LRP1: variants seen among roughly 807,000 people sequenced by gnomAD.
LRP1 encodes the protein prolow-density lipoprotein receptor-related protein 1.
Under a neutral mutation model 541.5 loss-of-function variants are expected in LRP1, and 51 were observed. That is an observed-to-expected ratio of 0.09 (90% CI 0.08 to 0.12). The LOEUF is 0.12. LRP1 is among the 10% of genes least tolerant of loss of function. The pLI, the probability that LRP1 is intolerant of heterozygous loss-of-function variation, is 1.00. For missense variants in LRP1, 3,878 were observed against 6,376.2 expected (o/e 0.61, Z 13.34); for synonymous variants, 2,219 against 2,470.8 (o/e 0.90, Z 3.02).
At chr12:57,209,562 G>A (rs2036862398) in intron 79 of LRP1, 130 bp from the exon 80 acceptor site, 2 of 740,988 alleles carry the variant, frequency 2.7e-6, no homozygotes, top group African/African-American at 1.7e-5. Flanking sequence ...GAACCGGTGT[G>A]GGGAGAGAGA....
At chr12:57,180,954 A>T in intron 33 of LRP1, 147 bp downstream of exon 33, 2 of 1,284,132 alleles carry the variant, frequency 1.6e-6, no homozygotes, top group Non-Finnish European at 2.1e-6. Flanking sequence ...CTTACCACAA[A>T]GGCGCCTTGT....
chr12:57,151,232 T>TA (rs2035520118), intron 6 of LRP1, among the ~76,000 whole-genome samples: 1 of 152,076 alleles, frequency 6.6e-6, no homozygotes, highest in Non-Finnish European at 1.5e-5. Flanking sequence ...GCTGGAGTTG[T>TA]AGTGAGTGCA....
Position 57,204,818 on chromosome 12 carries a change from T to C in LRP1, c.11194+69T>C. 2 of 1,595,656 alleles carry C rather than the reference T, an allele frequency of 1.3e-6. No individual in the cohort carries two copies. The highest frequency in any genetic ancestry group is 1.7e-6 in the Non-Finnish European group (2 of 1,166,750). ...CACAGTGGGGTGAGTCTGGTCCTCG[T>C]GGGAGCTGCACTGGGGTTAGGGTTA... On this transcript the variant is annotated intron_variant, in intron 72 of 88. Coordinates refer to ENST00000243077, the MANE Select transcript of LRP1 (RefSeq NM_002332.3). This position sits in a 1 kb window ranked among gnomAD's most constrained non-coding sequence, Gnocchi z 5.3.
At position 57,206,250 on chromosome 12, in the gene LRP1, T is replaced by C. The variant is rs1020789350; in HGVS notation, c.11591-223T>C. On this transcript the variant is annotated intron_variant, in intron 75 of 88. Transcript: ENST00000243077. This position sits in a 1 kb window ranked among gnomAD's most constrained non-coding sequence, Gnocchi z 4.7. ...GGAGGGGCAGGGACAGCTTTCTGAC[T>C]GAAAGGAGCGGGTCACAGTGGATCA... 6.6e-6 allele frequency among the ~76,000 whole-genome samples: 1 copy of C among 152,204 alleles called. No individual in the cohort carries two copies. The highest frequency in any genetic ancestry group is 1.5e-5 in the Non-Finnish European group (1 of 68,040).
chr12:57,208,628 CAGACCA>C, intron 77 of LRP1, 77 bp from the exon 78 acceptor site: 1 of 819,044 alleles, frequency 1.2e-6, no homozygotes, highest in Admixed American at 2.2e-5. Context: ...TCCCTGTCCC[CAGACCA>C]AGAAGCTGGT....
chr12:57,183,723 C>T lies in LRP1; in HGVS notation c.5795-52C>T, dbSNP rs1458411046. On this transcript the variant is annotated intron_variant, in intron 35 of 88. Transcript: ENST00000243077. The surrounding 1 kb of genome is among the most constrained non-coding windows in gnomAD (Gnocchi z 6.1). ...TGAGCCTTGTGAGATTTTGACCCCT[C>T]ACCTTACCCCTGCCTTATTGGGCAT... is the stretch of plus-strand genomic sequence containing the variant. 128 of 1,608,144 alleles carry T rather than the reference C, an allele frequency of 8.0e-5. No homozygotes were observed. The highest frequency in any genetic ancestry group is 1.1e-4 in the Non-Finnish European group (127 of 1,178,032).
At position 57,179,976 on chromosome 12, in the gene LRP1, C is replaced by A; in HGVS notation, c.5141+20C>A. On this transcript the variant is annotated intron_variant, in intron 30 of 88. Transcript: ENST00000243077. The surrounding 1 kb of genome is among the most constrained non-coding windows in gnomAD (Gnocchi z 6.8). The stretch of plus-strand genomic sequence containing the variant: ...GCGTGGGTCAGTCTAGGGCCCAGGG[C>A]CGGGGAGCATGGGGTGTGGGGCTGG... 1 of 1,613,854 alleles carries A rather than the reference C, an allele frequency of 6.2e-7. No individual in the cohort carries two copies. Among genetic ancestry groups the A allele is most frequent in the Admixed American group, 1.7e-5 (1 of 60,016 alleles).
chr12:57,199,832 T>C, intron 61 of LRP1, 45 bp from the exon 62 acceptor site: 1 of 1,548,184 alleles, frequency 6.5e-7, no homozygotes, highest in Admixed American at 2.0e-5. Context: ...CAGCCTTTGG[T>C]AGGCCAGAAA....
chr12:57,162,425 G>A lies in LRP1; in HGVS notation c.2311G>A (p.Gly771Ser), dbSNP rs1456331427. 2.5e-6 allele frequency: 4 copies of A among 1,614,096 alleles called. No individual in the cohort carries two copies. The highest frequency in any genetic ancestry group is 3.4e-6 in the Non-Finnish European group (4 of 1,180,014). Residue 771 changes from glycine (G) to serine (S), a missense_variant, in exon 14 of 89, where the codon GGT becomes AGT. Physicochemically the swap from Gly to Ser is moderately conservative, Grantham distance 56. This residue lies in a region of LRP1 where 496 missense variants were observed against 861.0 expected (regional missense o/e 0.58). Transcript: ENST00000243077. The surrounding 1 kb of genome is among the most constrained non-coding windows in gnomAD (Gnocchi z 5.2). The stretch of plus-strand genomic sequence containing the variant: ...TGGCAGTGTCTACCGCTTGGAACGG[G>A]GTGTAGGAGGCGCACCCCCCACTGT... ...RSGSVYRLER[G>S]VGGAPPTVTL...
In LRP1 at chr12:57,162,256, G is replaced by C. The variant is rs987384110; in HGVS notation, c.2203-61G>C. 126 of 1,361,118 alleles carry C rather than the reference G, an allele frequency of 9.3e-5. No individual in the cohort carries two copies. The highest frequency in any genetic ancestry group is 1.3e-4 in the Admixed American group (8 of 59,674). 84.3% of individuals were successfully genotyped at this position (1,361,118 alleles called of 1,614,324 possible). On this transcript the variant is annotated intron_variant, in intron 13 of 88. Transcript: ENST00000243077. The surrounding 1 kb of genome is among the most constrained non-coding windows in gnomAD (Gnocchi z 5.2). ...TAGACAAATGAATGTACAAAACAGTGATCTCACAGGCCTCCCTCAATTTTC... is the reference window on the plus strand; with the variant it reads ...TAGACAAATGAATGTACAAAACAGTCATCTCACAGGCCTCCCTCAATTTTC...
At position 57,178,320 on chromosome 12, in the gene LRP1, C is replaced by T. The variant is rs968402905; in HGVS notation, c.4362-39C>T. The T allele has an allele frequency of 6.3e-7, 1 of 1,589,398 alleles. No homozygotes were observed. ...TGGGCAGAGCTCTGAGGGCTGAGATCCCAGCTGGCATCCTCATTCTGCTCC... is the reference window on the plus strand; with the variant it reads ...TGGGCAGAGCTCTGAGGGCTGAGATTCCAGCTGGCATCCTCATTCTGCTCC... On this transcript the variant is annotated intron_variant, in intron 26 of 88. Transcript: ENST00000243077. The surrounding 1 kb of genome is among the most constrained non-coding windows in gnomAD (Gnocchi z 5.8).
Position 57,162,750 on chromosome 12 carries a change from A to C in LRP1, c.2405-108A>C. 7.8e-7 allele frequency: 1 copy of C among 1,281,694 alleles called. No homozygotes were observed. The highest frequency in any genetic ancestry group is 1.1e-6 in the Non-Finnish European group (1 of 930,294). 79.4% of individuals were successfully genotyped at this position (1,281,694 alleles called of 1,614,324 possible). A position where few individuals can be genotyped will look rare whatever the true frequency, so the allele number is the denominator to read the frequency against. On this transcript the variant is annotated intron_variant, in intron 14 of 88. Transcript: ENST00000243077. This position sits in a 1 kb window ranked among gnomAD's most constrained non-coding sequence, Gnocchi z 5.2. ...TCAACATGATCTTCTTCCTCTCCAT[A>C]TTTCCTCTTTCTGTCCCCACATCTT...
rs1407072439 is a variant in LRP1, at chr12:57,162,086, T to G, written c.2203-231T>G. 6.6e-6 allele frequency among the ~76,000 whole-genome samples: 1 copy of G among 152,064 alleles called. No homozygotes were observed. Among genetic ancestry groups the G allele is most frequent in the South Asian group, 2.1e-4 (1 of 4,822 alleles). On this transcript the variant is annotated intron_variant, in intron 13 of 88. Coordinates refer to ENST00000243077, the MANE Select transcript of LRP1 (RefSeq NM_002332.3). This position sits in a 1 kb window ranked among gnomAD's most constrained non-coding sequence, Gnocchi z 5.2. ...GGAATGAGCCCAGGAGAGGACCATA[T>G]GGACAACCTCACCATCAGCATCCTT... is the stretch of plus-strand genomic sequence containing the variant.
rs2036107213 is a variant in LRP1 at position 57,179,060 on chromosome 12, G to T, written c.4738+39G>T. 1.2e-6 allele frequency: 2 copies of T among 1,600,892 alleles called. No individual in the cohort carries two copies. Among genetic ancestry groups the T allele is most frequent in the South Asian group, 1.1e-5 (1 of 89,386 alleles). ...CCTCCAGAGCCAGTGAGCAACTGAG[G>T]CTGGAGGGAAGGCCGCAGGCCCCAG... is the stretch of plus-strand genomic sequence containing the variant. On this transcript the variant is annotated intron_variant, in intron 28 of 88. Coordinates refer to ENST00000243077, the MANE Select transcript of LRP1 (RefSeq NM_002332.3). This position sits in a 1 kb window ranked among gnomAD's most constrained non-coding sequence, Gnocchi z 6.8.
rs913562712 is a variant in LRP1 at position 57,193,699 on chromosome 12, A to C, written c.7804+14A>C. On this transcript the variant is annotated intron_variant, in intron 47 of 88. Transcript: ENST00000243077. ...TCCCTTGCAACAGTGAGTGAGGCGC[A>C]CTGGCATAACCCATCTGTACCTCAG... The C allele has an allele frequency of 6.2e-7, 1 of 1,614,062 alleles. No homozygotes were observed. The highest frequency in any genetic ancestry group is 8.5e-7 in the Non-Finnish European group (1 of 1,180,002).
At position 57,189,881 on chromosome 12, in the gene LRP1, C is replaced by T. The variant is rs1445953904; in HGVS notation, c.7032-924C>T. Among the ~76,000 whole-genome samples, 3 of 152,054 alleles carry T rather than the reference C, an allele frequency of 2.0e-5. No homozygotes were observed. Among genetic ancestry groups the T allele is most frequent in the East Asian group, 1.9e-4 (1 of 5,192 alleles). ...CTAGCTGAGTGACAAGCTCTGGGACCGAGGACCCAGGGCTCACCATCCAAT... is the reference window on the plus strand; with the variant it reads ...CTAGCTGAGTGACAAGCTCTGGGACTGAGGACCCAGGGCTCACCATCCAAT... On this transcript the variant is annotated intron_variant, in intron 42 of 88. Transcript: ENST00000243077. This position sits in a 1 kb window ranked among gnomAD's most constrained non-coding sequence, Gnocchi z 4.4.
At chr12:57,192,326 C>T (rs1169066423) in intron 44 of LRP1, among the ~76,000 whole-genome samples, 2 of 152,122 alleles carry the variant, frequency 1.3e-5, no homozygotes, top group Non-Finnish European at 2.9e-5. Flanking sequence ...ATCTCCTCCA[C>T]GTTGCACACA....
In LRP1 at chr12:57,154,597, G is replaced by A; in HGVS notation, c.1123G>A (p.Asp375Asn). The A allele has an allele frequency of 6.2e-7, 1 of 1,612,808 alleles. No individual in the cohort carries two copies. The highest frequency in any genetic ancestry group is 8.5e-7 in the Non-Finnish European group (1 of 1,179,394). Residue 375 changes from aspartate (D) to asparagine (N), a missense_variant, in exon 8 of 89, where the codon GAC becomes AAC. Around this residue, in one of 13 missense-constraint regions of LRP1, gnomAD observed 496 missense variants for 861.0 expected, o/e 0.58. Transcript: ENST00000243077. The surrounding 1 kb of genome is among the most constrained non-coding windows in gnomAD (Gnocchi z 4.6). ...TGTGTTTCCTCATGGCATCACGCTG[G>A]ACCTGGTCAGCCGCCTTGTCTACTG... ...KIVFPHGITL[D>N]LVSRLVYWAD...
At chr12:57,174,752 A>G (rs1401211032) in intron 22 of LRP1, among the ~76,000 whole-genome samples, 1 of 152,172 alleles carries the variant, frequency 6.6e-6, no homozygotes, top group Non-Finnish European at 1.5e-5. Flanking sequence ...GCGACAGAGC[A>G]AGACCCCATC....
Sources: allele counts gnomAD v4.1 joint callset (sites outside exome capture counted in the v4.1 genomes callset), GRCh38; gene constraint gnomAD v4.1.1; regional missense constraint gnomAD v4.1.1; non-coding constraint Gnocchi (gnomAD v3.1); transcripts MANE v1.5; gene names NCBI Gene and HGNC (gene_info 2026-07-23, HGNC 2026-07-21).